The following IGF1R variants were observed in gnomAD, a reference collection of about 807,000 sequenced individuals.
IGF1R encodes insulin-like growth factor 1 receptor.
A neutral mutation model predicts 144.6 loss-of-function variants in IGF1R; 44 were observed. The ratio of observed to expected loss-of-function variants is 0.30; its 90% CI spans 0.24 to 0.39. The LOEUF (loss-of-function observed/expected upper bound fraction) is 0.39, where lower values mean the gene tolerates loss of function less well. IGF1R is among the 10% of genes least tolerant of loss of function. The pLI, the probability that IGF1R is intolerant of heterozygous loss-of-function variation, is 1.00. For synonymous variants in IGF1R, 795 were observed against 722.8 expected (o/e 1.10, Z -1.60); for missense variants, 1,355 against 1,833.7 (o/e 0.74, Z 4.77).
At chr15:98,763,225 G>A (rs1304837834) in intron 2 of IGF1R, among the ~76,000 whole-genome samples, 1 of 152,098 alleles carries the variant, frequency 6.6e-6, no homozygotes, top group African/African-American at 2.4e-5. Flanking sequence ...ATTTCATGTT[G>A]ACATATTCTA....
At chr15:98,845,713 C>G (rs887635462) in intron 2 of IGF1R, among the ~76,000 whole-genome samples, 1 of 151,984 alleles carries the variant, frequency 6.6e-6, no homozygotes, top group African/African-American at 2.4e-5. Context: ...CACCAGTTCT[C>G]TGAATGTCTT....
chr15:98,953,510 A>G (rs150769221), intron 20 of IGF1R, among the ~76,000 whole-genome samples: 263 of 152,240 alleles, frequency 1.7e-3, no homozygotes, highest in African/African-American at 5.8e-3. Flanking sequence ...CTGAGGTCAC[A>G]CAGATGAGCC....
At chr15:98,875,529 G>A (rs1254498609) in intron 2 of IGF1R, among the ~76,000 whole-genome samples, 2 of 151,906 alleles carry the variant, frequency 1.3e-5, no homozygotes, top group African/African-American at 2.4e-5. Flanking sequence ...GGATGCATGG[G>A]CAGTTATGTG....
intron 2 of IGF1R, among the ~76,000 whole-genome samples, chr15:98,715,975 A>G (rs2054105026): frequency 6.6e-6 from 1 of 152,218 alleles, no homozygotes; most frequent in Non-Finnish European, 1.5e-5. Context: ...TCTGGGGGAT[A>G]AGAAGCTGCT....
At chr15:98,679,103 C>T (rs986001010) in intron 1 of IGF1R, among the ~76,000 whole-genome samples, 6 of 151,938 alleles carry the variant, frequency 3.9e-5, no homozygotes, top group South Asian at 2.1e-4. Flanking sequence ...GACAGAGTCT[C>T]GCTATGTTCC....
At chr15:98,846,873 GT>G (rs1244227300) in intron 2 of IGF1R, among the ~76,000 whole-genome samples, 4 of 152,222 alleles carry the variant, frequency 2.6e-5, no homozygotes, top group Non-Finnish European at 5.9e-5. Flanking sequence ...TGAACACCTT[GT>G]TTTAGGCTTG....
chr15:98,908,569 G>C (rs1414938458), intron 5 of IGF1R, 116 bp from the exon 6 acceptor site: 4 of 747,420 alleles, frequency 5.4e-6, no homozygotes, highest in African/African-American at 3.5e-5. Flanking sequence ...TCTCTTATTG[G>C]CAAAGGAAAT....
At chr15:98,668,914 C>CCT (rs995652155) in intron 1 of IGF1R, among the ~76,000 whole-genome samples, 4 of 152,200 alleles carry the variant, frequency 2.6e-5, no homozygotes, top group African/African-American at 9.6e-5. Context: ...AGTACTTTTT[C>CCT]CTCTCCCAGC....
chr15:98,786,464 C>T (rs1346319527), intron 2 of IGF1R, among the ~76,000 whole-genome samples: 1 of 152,036 alleles, frequency 6.6e-6, no homozygotes, highest in Non-Finnish European at 1.5e-5. Context: ...TGTGCTGCAG[C>T]GAATGGCCAG....
intron 2 of IGF1R, among the ~76,000 whole-genome samples, chr15:98,861,322 T>C (rs1041192311): frequency 6.6e-6 from 1 of 152,200 alleles, no homozygotes; most frequent in Non-Finnish European, 1.5e-5. Flanking sequence ...AGAAGTTTGT[T>C]ATCGGTCTTC....
chr15:98,773,027 T>C (rs576324473), intron 2 of IGF1R, among the ~76,000 whole-genome samples: 2 of 152,328 alleles, frequency 1.3e-5, no homozygotes, highest in South Asian at 2.1e-4. Context: ...TTTGCATGCC[T>C]CTCTTGAGTT....
intron 2 of IGF1R, among the ~76,000 whole-genome samples, chr15:98,769,573 GCT>G (rs1204043194): frequency 1.3e-5 from 2 of 152,180 alleles, no homozygotes; most frequent in African/African-American, 4.8e-5. Flanking sequence ...CAGATCAGAT[GCT>G]CTCAGAATCA....
chr15:98,918,730 T>G (rs897705661), intron 10 of IGF1R, among the ~76,000 whole-genome samples: 1 of 152,048 alleles, frequency 6.6e-6, no homozygotes, highest in Non-Finnish European at 1.5e-5. Flanking sequence ...ATACAAAAAA[T>G]TAGCCAAGCG....
At chr15:98,650,523 G>A (rs2052333736) in intron 1 of IGF1R, among the ~76,000 whole-genome samples, 1 of 152,254 alleles carries the variant, frequency 6.6e-6, no homozygotes, top group South Asian at 2.1e-4. Context: ...GCCGGGGGAT[G>A]GAGGGGTACT....
chr15:98,840,446 C>T (rs1471931692), intron 2 of IGF1R, among the ~76,000 whole-genome samples: 2 of 152,054 alleles, frequency 1.3e-5, no homozygotes, highest in African/African-American at 4.8e-5. Flanking sequence ...GTACTGGAGG[C>T]CTGCTTTACC....
intron 2 of IGF1R, among the ~76,000 whole-genome samples, chr15:98,798,856 G>A (rs1415731533): frequency 5.3e-5 from 8 of 152,120 alleles, no homozygotes; most frequent in African/African-American, 1.4e-4. Flanking sequence ...TAACAGCAAC[G>A]AATATTTATT....
intron 5 of IGF1R, among the ~76,000 whole-genome samples, chr15:98,907,075 A>G (rs539268987): frequency 1.7e-4 from 26 of 152,306 alleles, no homozygotes; most frequent in African/African-American, 5.1e-4. Context: ...TTGTTGTCCT[A>G]CGAGTGAGTA....
chr15:98,925,913 G>GAA (rs140952377), intron 13 of IGF1R, among the ~76,000 whole-genome samples: 4 of 151,030 alleles, frequency 2.6e-5, no homozygotes, highest in Non-Finnish European at 5.9e-5. Flanking sequence ...AAGAAAAAAG[G>GAA]AAAAAAAACA....
chr15:98,799,907 A>C (rs564731904), intron 2 of IGF1R, among the ~76,000 whole-genome samples: 45 of 152,232 alleles, frequency 3.0e-4, no homozygotes, highest in Non-Finnish European at 5.4e-4. Context: ...TTTATGTATC[A>C]ATTCACCGGA....
Sources: allele counts gnomAD v4.1 joint callset (sites outside exome capture counted in the v4.1 genomes callset), GRCh38; gene constraint gnomAD v4.1.1; transcripts MANE v1.5; gene names NCBI Gene and HGNC (gene_info 2026-07-23, HGNC 2026-07-21).